UBAC2: variants seen among roughly 807,000 people sequenced by gnomAD.
UBAC2 encodes ubiquitin-associated domain-containing protein 2.
UBAC2 carries 26 observed loss-of-function variants against 44.0 expected under a neutral mutation model. That is an observed-to-expected ratio of 0.59 (90% CI 0.43 to 0.82). UBAC2 has a LOEUF of 0.82. Ranked by LOEUF, UBAC2 falls within the 40% of genes least tolerant of loss-of-function variation. The probability of loss-of-function intolerance (pLI) is 0.00; values close to 1 mark genes in which losing one functional copy is unlikely to be tolerated. For synonymous variants in UBAC2, 155 were observed against 154.3 expected (o/e 1.00, Z -0.04); for missense variants, 329 against 419.4 (o/e 0.78, Z 1.88).
chr13:99,213,983 T>C (rs933916450), intron 1 of UBAC2, among the ~76,000 whole-genome samples: 7 of 151,778 alleles, frequency 4.6e-5, no homozygotes, highest in African/African-American at 1.2e-4. Flanking sequence ...CACACCTGGC[T>C]AATTTTTGTA....
Position 99,200,896 on chromosome 13 carries a change from G to A in UBAC2, c.-13G>A. 1.5e-6 allele frequency: 2 copies of A among 1,303,502 alleles called. No homozygotes were observed. The highest frequency in any genetic ancestry group is 2.9e-5 in the South Asian group (1 of 34,376). The allele number at this position is 1,303,502 out of a possible 1,614,324, so 80.7% of individuals were successfully genotyped here. On this transcript the variant is annotated 5_prime_UTR_variant, in exon 1 of 9. Transcript: ENST00000403766. ...CCCCCGGCGCCCTCTGGGGCTCCGA[G>A]CCCGGCGGGACCATGTTCACCAGCA...
intron 2 of UBAC2, among the ~76,000 whole-genome samples, chr13:99,239,233 G>T (rs2043273275): frequency 1.3e-5 from 2 of 152,188 alleles, no homozygotes. Flanking sequence ...CCATTGCTCA[G>T]ATTGGCTTCA....
chr13:99,263,743 T>C (rs2043701525), intron 4 of UBAC2, among the ~76,000 whole-genome samples: 1 of 152,168 alleles, frequency 6.6e-6, no homozygotes, highest in Admixed American at 6.5e-5. Flanking sequence ...ACCTGAATGT[T>C]CAACTATAGC....
chr13:99,257,970 C>T (rs958942305), intron 4 of UBAC2, among the ~76,000 whole-genome samples: 14 of 152,106 alleles, frequency 9.2e-5, no homozygotes, highest in African/African-American at 2.9e-4. Flanking sequence ...TTAATAGAGA[C>T]GGGGTCTCAC....
At chr13:99,290,852 A>G (rs903474326) in intron 4 of UBAC2, among the ~76,000 whole-genome samples, 5 of 152,190 alleles carry the variant, frequency 3.3e-5, no homozygotes, top group African/African-American at 1.2e-4. Context: ...GAAAAGTATC[A>G]GATGTGGGTG....
chr13:99,376,543 C>T (rs1040001678), intron 8 of UBAC2, among the ~76,000 whole-genome samples: 2 of 152,216 alleles, frequency 1.3e-5, no homozygotes, highest in Non-Finnish European at 2.9e-5. Flanking sequence ...TCTGAGTAGC[C>T]TTATCTCTGC....
At chr13:99,270,797 A>T (rs1212233697) in intron 4 of UBAC2, among the ~76,000 whole-genome samples, 1 of 152,186 alleles carries the variant, frequency 6.6e-6, no homozygotes, top group Non-Finnish European at 1.5e-5. Flanking sequence ...ATTATGGAGG[A>T]AGTCAATTTC....
intron 1 of UBAC2, among the ~76,000 whole-genome samples, chr13:99,221,521 T>A (rs2043051883): frequency 6.6e-6 from 1 of 152,192 alleles, no homozygotes; most frequent in Admixed American, 6.5e-5. Context: ...TTGCACACTG[T>A]TTCAGTGTAC....
intron 4 of UBAC2, among the ~76,000 whole-genome samples, chr13:99,245,115 G>A (rs1426215195): frequency 6.6e-6 from 1 of 152,126 alleles, no homozygotes; most frequent in Non-Finnish European, 1.5e-5. Context: ...GCCACTGTGT[G>A]AGCCACCTTG....
At chr13:99,265,401 G>T (rs990479860) in intron 4 of UBAC2, among the ~76,000 whole-genome samples, 14 of 152,172 alleles carry the variant, frequency 9.2e-5, no homozygotes, top group African/African-American at 3.1e-4. Context: ...TTGGAAAAAA[G>T]GTTCTCAGAC....
At chr13:99,296,612 C>T (rs568248265) in intron 4 of UBAC2, among the ~76,000 whole-genome samples, 1 of 152,148 alleles carries the variant, frequency 6.6e-6, no homozygotes, top group African/African-American at 2.4e-5. Context: ...TAACCAAATG[C>T]ATATCACTGC....
intron 4 of UBAC2, chr13:99,254,585 A>G (rs1466073877): frequency 9.1e-6 from 2 of 220,936 alleles, no homozygotes; most frequent in South Asian, 1.1e-4. Flanking sequence ...ATTATTTTGT[A>G]TGGTAGCTCG....
chr13:99,351,906 C>T (rs1280734192), intron 7 of UBAC2: 4 of 380,724 alleles, frequency 1.1e-5, no homozygotes, highest in Non-Finnish European at 5.2e-6. Context: ...TACTGACACC[C>T]AGAGTGGCTC....
chr13:99,330,646 A>G (rs1374878796), intron 6 of UBAC2, among the ~76,000 whole-genome samples: 1 of 151,830 alleles, frequency 6.6e-6, no homozygotes, highest in Non-Finnish European at 1.5e-5. Flanking sequence ...CCCAATTTGT[A>G]CCTTTTATTT....
chr13:99,364,862 A>G (rs2045310753), intron 7 of UBAC2, among the ~76,000 whole-genome samples: 1 of 152,266 alleles, frequency 6.6e-6, no homozygotes, highest in South Asian at 2.1e-4. Context: ...GTTGATGGGC[A>G]TTTGGGTAGT....
intron 4 of UBAC2, among the ~76,000 whole-genome samples, chr13:99,249,675 C>T (rs1180719080): frequency 6.6e-6 from 1 of 152,134 alleles, no homozygotes; most frequent in Non-Finnish European, 1.5e-5. Context: ...ATAAGTGTTC[C>T]CTTTTCTCAC....
intron 6 of UBAC2, among the ~76,000 whole-genome samples, chr13:99,339,308 G>A (rs1008849198): frequency 2.0e-5 from 3 of 152,140 alleles, no homozygotes; most frequent in African/African-American, 4.8e-5. Flanking sequence ...GATGTCCCCC[G>A]CTGCCCCCAG....
At chr13:99,247,759 G>A (rs1389409367) in intron 4 of UBAC2, among the ~76,000 whole-genome samples, 1 of 152,042 alleles carries the variant, frequency 6.6e-6, no homozygotes, top group African/African-American at 2.4e-5. Context: ...AAAAATATGT[G>A]CTTTACAGCT....
intron 4 of UBAC2, among the ~76,000 whole-genome samples, chr13:99,285,983 C>T (rs2044014622): frequency 6.6e-6 from 1 of 152,136 alleles, no homozygotes; most frequent in African/African-American, 2.4e-5. Flanking sequence ...CCTTGGAGCT[C>T]ACAGTTGATG....
Sources: allele counts gnomAD v4.1 joint callset (sites outside exome capture counted in the v4.1 genomes callset), GRCh38; gene constraint gnomAD v4.1.1; transcripts MANE v1.5; gene names NCBI Gene and HGNC (gene_info 2026-07-23, HGNC 2026-07-21).